Variants in NXNL1 observed in about 807,000 individuals in gnomAD.
NXNL1 encodes the protein nucleoredoxin-like protein 1.
In NXNL1, 6 loss-of-function variants were observed where a neutral mutation model predicts 7.2. That is an observed-to-expected ratio of 0.83 (90% CI 0.46 to 1.64). The LOEUF is 1.64. Ranked by LOEUF, NXNL1 falls within the 40% of genes most tolerant of loss-of-function variation. The pLI, the probability that NXNL1 is intolerant of heterozygous loss-of-function variation, is 0.01. For synonymous variants in NXNL1, 133 were observed against 127.2 expected (o/e 1.05, Z -0.31); for missense variants, 308 against 285.1 (o/e 1.08, Z -0.58).
chr19:17,460,155 C>T (rs751570671), intron 1 of NXNL1, among the ~76,000 whole-genome samples: 4 of 150,858 alleles, frequency 2.7e-5, no homozygotes, highest in Non-Finnish European at 4.4e-5. Context: ...GGATTACAGG[C>T]GCCCACCACC....
At chr19:17,455,986 C>T (rs376989923) in intron 1 of NXNL1, 27 bp from the exon 2 acceptor site, 45 of 1,596,992 alleles carry the variant, frequency 2.8e-5, no homozygotes, top group Non-Finnish European at 3.5e-5. Flanking sequence ...TCAGTCTGGA[C>T]GGATCCACAT....
rs1477931826 is a variant in NXNL1, at chr19:17,460,653, G to A, written c.217C>T (p.Leu73=). ...TCCTGGGACACGTACACCAGGGCCAGCTGAGCCGCCCGCAGTACATAGAAC... is the reference window on the plus strand; with the variant it reads ...TCCTGGGACACGTACACCAGGGCCAACTGAGCCGCCCGCAGTACATAGAAC... ...DEFYVLRAAQ[L]ALVYVSQDST... Residue 73 remains leucine, a synonymous_variant, in exon 1 of 2, where the codon CTG becomes TTG. Transcript: ENST00000301944. 1 of 1,613,294 alleles carries A rather than the reference G, an allele frequency of 6.2e-7. No homozygotes were observed. The highest frequency in any genetic ancestry group is 8.5e-7 in the Non-Finnish European group (1 of 1,180,032).
At chr19:17,459,684 C>G (rs1279987252) in intron 1 of NXNL1, among the ~76,000 whole-genome samples, 1 of 151,898 alleles carries the variant, frequency 6.6e-6, no homozygotes, top group African/African-American at 2.4e-5. Context: ...TCCCAAAGTG[C>G]TAGATTTACA....
At chr19:17,456,690 T>C (rs147445195) in intron 1 of NXNL1, among the ~76,000 whole-genome samples, 46 of 152,192 alleles carry the variant, frequency 3.0e-4, no homozygotes, top group African/African-American at 1.0e-3. Flanking sequence ...GAGACCAGCC[T>C]AGCCAACATG....
intron 1 of NXNL1, 131 bp downstream of exon 1, chr19:17,460,411 CCT>C: frequency 3.1e-6 from 3 of 964,132 alleles, no homozygotes; most frequent in East Asian, 2.6e-5. Context: ...AGTGGGCACC[CCT>C]GTCTGTACCC....
At position 17,460,783 on chromosome 19, in the gene NXNL1, C is replaced by T. The variant is rs368463370; in HGVS notation, c.87G>A (p.Arg29=). 4.9e-5 allele frequency: 79 copies of T among 1,613,758 alleles called. No homozygotes were observed. The highest frequency in any genetic ancestry group is 3.3e-4 in the Middle Eastern group (2 of 6,084). ...ACAGCAGCACCAGCCGGTTCTCCAG[C>T]CTGCGACTGACCTCAGCCTCCGTAT... The part of the protein sequence containing the change: ...ELDTEAEVSR[R]LENRLVLLFF... The change falls in exon 1 of 2, where the codon AGG becomes AGA. Residue 29 remains arginine, a synonymous_variant. Transcript: ENST00000301944.
In NXNL1 at chr19:17,455,875, G is replaced by T. The variant is rs771641131; in HGVS notation, c.411C>A (p.Gly137=). Residue 137 remains glycine, a synonymous_variant, in exon 2 of 2, where the codon GGC becomes GGA. Coordinates refer to ENST00000301944, the MANE Select transcript of NXNL1 (RefSeq NM_138454.2). The part of the protein sequence containing the change: ...KPDGDVLTRD[G]ADEIQRLGTA... ...TGCCCAGGCGCTGGATCTCGTCGGCGCCGTCGCGAGTGAGCACGTCCCCGT... is the reference window on the plus strand; with the variant it reads ...TGCCCAGGCGCTGGATCTCGTCGGCTCCGTCGCGAGTGAGCACGTCCCCGT... The T allele has an allele frequency of 2.5e-6, 4 of 1,590,458 alleles. No homozygotes were observed. The highest frequency in any genetic ancestry group is 1.3e-5 in the African/African-American group (1 of 74,868).
At position 17,455,680 on chromosome 19, in the gene NXNL1, ACCCCCT is replaced by A; in HGVS notation, c.600_605del (p.Gly202_Gly203del). Reference sequence around the variant, plus strand: ...GCCCCCCGGCCCCGCCCTCCTCCCCACCCCCTCCCCCGGGGTCGCGCCCGCCTCGCG... The same window carrying A: ...GCCCCCCGGCCCCGCCCTCCTCCCCACCCCCGGGGTCGCGCCCGCCTCGCG... On this transcript the variant is annotated inframe_deletion, in exon 2 of 2. Coordinates refer to ENST00000301944, the MANE Select transcript of NXNL1 (RefSeq NM_138454.2). 5 of 413,140 alleles carry A rather than the reference ACCCCCT, an allele frequency of 1.2e-5. No individual in the cohort carries two copies. The highest frequency in any genetic ancestry group is 1.4e-5 in the Non-Finnish European group (4 of 291,014). The allele number at this position is 413,140 out of a possible 1,614,324, so 25.6% of individuals were successfully genotyped here. A position where few individuals can be genotyped will look rare whatever the true frequency, so the allele number is the denominator to read the frequency against.
Position 17,460,449 on chromosome 19 carries a change from A to C in NXNL1, c.326+95T>G, listed in dbSNP as rs1471320526. 15 of 1,344,034 alleles carry C rather than the reference A, an allele frequency of 1.1e-5. No homozygotes were observed. In the East Asian group the frequency reaches 3.6e-4, roughly 33 times the overall value. 83.3% of individuals were successfully genotyped at this position (1,344,034 alleles called of 1,614,324 possible). On this transcript the variant is annotated intron_variant, in intron 1 of 1. Coordinates refer to ENST00000301944, the MANE Select transcript of NXNL1 (RefSeq NM_138454.2). The stretch of plus-strand genomic sequence containing the variant: ...CCTAGTTCCCAGTATATGGACTGGC[A>C]CACAGGGGCTGCTCATTCACTCTAG...
At chr19:17,457,888 GTGTCCAAACTCTGATGA>G (rs1188731509) in intron 1 of NXNL1, among the ~76,000 whole-genome samples, 1 of 152,224 alleles carries the variant, frequency 6.6e-6, no homozygotes, top group African/African-American at 2.4e-5. Context: ...GCAGGATTCA[GTGTCCAAACTCTGATGA>G]TGTCCAAATT....
Position 17,455,663 on chromosome 19 carries a change from G to GGGGC in NXNL1, c.622_623insGCCC (p.Ala208GlyfsTer10). On this transcript the variant is annotated frameshift_variant, in exon 2 of 2. Transcript: ENST00000301944. LOFTEE classifies it high-confidence loss of function. ...CCTAGCGGGTCAGAACAGCCCCCCG[G>GGGGC]CCCCGCCCTCCTCCCCACCCCCTCC... 2 of 771,716 alleles carry GGGGC rather than the reference G, an allele frequency of 2.6e-6. No individual in the cohort carries two copies. Among genetic ancestry groups the GGGGC allele is most frequent in the Non-Finnish European group, 2.2e-6 (1 of 464,466 alleles). 47.8% of individuals were successfully genotyped at this position (771,716 alleles called of 1,614,324 possible).
At position 17,460,758 on chromosome 19, in the gene NXNL1, A is replaced by T; in HGVS notation, c.112T>A (p.Phe38Ile). The T allele has an allele frequency of 6.2e-7, 1 of 1,613,736 alleles. No individual in the cohort carries two copies. The highest frequency in any genetic ancestry group is 1.3e-5 in the African/African-American group (1 of 75,040). ...TGTGGACAAGCCCCAGCACCAAAGAACAGCAGCACCAGCCGGTTCTCCAGC... is the reference window on the plus strand; with the variant it reads ...TGTGGACAAGCCCCAGCACCAAAGATCAGCAGCACCAGCCGGTTCTCCAGC... ...RRLENRLVLL[F>I]FGAGACPQCQ... Residue 38 changes from phenylalanine (F) to isoleucine (I), a missense_variant, in exon 1 of 2, where the codon TTC (phenylalanine) becomes ATC (isoleucine). Physicochemically the swap from Phe to Ile is conservative, Grantham distance 21 (BLOSUM62 0). Coordinates refer to ENST00000301944, the MANE Select transcript of NXNL1 (RefSeq NM_138454.2).
chr19:17,458,596 A>ATTTTTTTTTTTT (rs34265338), intron 1 of NXNL1, among the ~76,000 whole-genome samples: 2 of 87,850 alleles, frequency 2.3e-5, no homozygotes, highest in Non-Finnish European at 4.2e-5. Flanking sequence ...GATCTTTTTA[A>ATTTTTTTTTTTT]TTTTTTTTTT....
chr19:17,457,699 G>A (rs2074998210), intron 1 of NXNL1, among the ~76,000 whole-genome samples: 1 of 152,248 alleles, frequency 6.6e-6, no homozygotes, highest in South Asian at 2.1e-4. Flanking sequence ...TGGACATCCC[G>A]TCTACGGGGG....
chr19:17,459,865 C>T (rs747032281), intron 1 of NXNL1, among the ~76,000 whole-genome samples: 3 of 152,112 alleles, frequency 2.0e-5, no homozygotes, highest in Non-Finnish European at 4.4e-5. Flanking sequence ...CATGAGCCAC[C>T]GTGCCCAGCT....
chr19:17,455,454 C>T lies in NXNL1; in HGVS notation c.*193G>A. 6.8e-6 allele frequency: 4 copies of T among 585,018 alleles called. No individual in the cohort carries two copies. The highest frequency in any genetic ancestry group is 1.2e-5 in the Non-Finnish European group (4 of 329,764). 36.2% of individuals were successfully genotyped at this position (585,018 alleles called of 1,614,324 possible). A position where few individuals can be genotyped will look rare whatever the true frequency, so the allele number is the denominator to read the frequency against. On this transcript the variant is annotated 3_prime_UTR_variant, in exon 2 of 2. Transcript: ENST00000301944. ...GGGTAGCTAAGCCACAGGTGCGCGC[C>T]ACCACACCGGGCTAACTTTTAATTT... is the stretch of plus-strand genomic sequence containing the variant.
chr19:17,458,833 C>T (rs1264341763), intron 1 of NXNL1, among the ~76,000 whole-genome samples: 1 of 151,894 alleles, frequency 6.6e-6, no homozygotes, highest in Non-Finnish European at 1.5e-5. Context: ...AACTCCTGAC[C>T]TCACGTGATC....
chr19:17,455,584 C>T lies in NXNL1; in HGVS notation c.*63G>A, dbSNP rs1006708242. ...CCCAAGTGCTGGGATTACAGGCGTGCGGGGGTGGGGTGGGGGTGGAGGTTC... is the reference window on the plus strand; with the variant it reads ...CCCAAGTGCTGGGATTACAGGCGTGTGGGGGTGGGGTGGGGGTGGAGGTTC... On this transcript the variant is annotated 3_prime_UTR_variant, in exon 2 of 2. Coordinates refer to ENST00000301944, the MANE Select transcript of NXNL1 (RefSeq NM_138454.2). 4.4e-5 allele frequency: 44 copies of T among 1,010,578 alleles called. No individual in the cohort carries two copies. Among genetic ancestry groups the T allele is most frequent in the African/African-American group, 2.9e-4 (18 of 62,094 alleles). The allele number at this position is 1,010,578 out of a possible 1,614,324, so 62.6% of individuals were successfully genotyped here. A position where few individuals can be genotyped will look rare whatever the true frequency, so the allele number is the denominator to read the frequency against.
At chr19:17,458,694 C>T (rs1197126909) in intron 1 of NXNL1, among the ~76,000 whole-genome samples, 3 of 149,596 alleles carry the variant, frequency 2.0e-5, no homozygotes, top group African/African-American at 4.9e-5. Flanking sequence ...CTCCGCCTCC[C>T]GGGTTCAAGC....
Sources: gnomAD v4.1 joint callset for allele counts (sites outside exome capture counted in the v4.1 genomes callset) on GRCh38, gnomAD v4.1.1 for gene constraint, MANE v1.5 for transcripts, NCBI Gene and HGNC (gene_info 2026-07-23, HGNC 2026-07-21) for gene names.